RAET1L: variants seen among roughly 807,000 people sequenced by gnomAD.
RAET1L encodes the protein retinoic acid early transcript 1L.
Under a neutral mutation model 23.9 loss-of-function variants are expected in RAET1L, and 16 were observed. The ratio of observed to expected loss-of-function variants is 0.67; its 90% CI spans 0.45 to 1.02. RAET1L has a LOEUF of 1.02. RAET1L is among the 50% of genes least tolerant of loss of function. The pLI is 0.00. For missense variants in RAET1L, 233 were observed against 304.0 expected (o/e 0.77, Z 1.74); for synonymous variants, 70 against 111.2 (o/e 0.63, Z 2.33).
chr6:150,025,208 G>T (rs1775871162), intron 1 of RAET1L, among the ~76,000 whole-genome samples, 179 bp downstream of exon 1: 1 of 152,234 alleles, frequency 6.6e-6, no homozygotes, highest in Admixed American at 6.5e-5. Context: ...ACTGGGGCAA[G>T]AACAGCCTTG....
intron 4 of RAET1L, 116 bp downstream of exon 4, chr6:150,019,992 G>A: frequency 2.0e-6 from 1 of 488,178 alleles, no homozygotes. Context: ...CCTGTCTCAT[G>A]TTAGGATGAG....
At chr6:150,025,312 C>G (rs1002288320) in intron 1 of RAET1L, 75 bp downstream of exon 1, 10 of 1,295,022 alleles carry the variant, frequency 7.7e-6, no homozygotes, top group Non-Finnish European at 1.1e-5. Context: ...AGCCTTCCCT[C>G]CTCTGAAACC....
chr6:150,020,820 G>A (rs898537956), intron 3 of RAET1L, 85 bp downstream of exon 3: 108 of 1,576,022 alleles, frequency 6.9e-5, no homozygotes, highest in Non-Finnish European at 9.2e-5. Flanking sequence ...ACACTGGGAT[G>A]ATTGAAGCTG....
chr6:150,019,228 G>A (rs1281504756), intron 4 of RAET1L, among the ~76,000 whole-genome samples: 5 of 152,212 alleles, frequency 3.3e-5, no homozygotes, highest in Non-Finnish European at 7.3e-5. Context: ...CTTGGCCTTT[G>A]GTGGGCCTGC....
In RAET1L at chr6:150,025,454, G is replaced by T. The variant is rs770221620; in HGVS notation, c.18C>A (p.Ile6=). ...GCGGGAGGCACAGAAGCAAAGCTGG[G>T]ATGGCGGCTGCTGCCATTGGGGACC... The part of the protein sequence containing the change: MAAAA[I]PALLLCLPLL... Residue 6 remains isoleucine, a synonymous_variant, in exon 1 of 5, where the codon ATC becomes ATA. Coordinates refer to ENST00000367341, the MANE Select transcript of RAET1L (RefSeq NM_130900.3). 3.1e-6 allele frequency: 5 copies of T among 1,613,936 alleles called. No individual in the cohort carries two copies. In the African/African-American group the frequency reaches 6.7e-5, roughly 22 times the overall value.
chr6:150,021,876 G>A (rs1180313377), intron 2 of RAET1L, 104 bp downstream of exon 2: 10 of 1,344,200 alleles, frequency 7.4e-6, no homozygotes, highest in Non-Finnish European at 1.0e-5. Flanking sequence ...ACAGGCGTGA[G>A]CCACCGTGCC....
rs570257276 is a variant in RAET1L at position 150,019,752 on chromosome 6, C to A, written c.*22+356G>T. Among the ~76,000 whole-genome samples the A allele has an allele frequency of 2.9e-5, 4 of 135,698 alleles. No individual in the cohort carries two copies. In the South Asian group the frequency reaches 1.0e-3, roughly 34 times the overall value. The allele number at this position is 135,698 out of a possible 152,430, so 89.0% of individuals were successfully genotyped here. On this transcript the variant is annotated intron_variant, in intron 4 of 4. Transcript: ENST00000367341. ...GCACCTAACCCAATTAAGAGGACTGCCCATGTCTGAATTCCTGCTGCCTGC... is the reference window on the plus strand; with the variant it reads ...GCACCTAACCCAATTAAGAGGACTGACCATGTCTGAATTCCTGCTGCCTGC...
Position 150,020,926 on chromosome 6 carries a change from T to G in RAET1L, c.610A>C (p.Thr204Pro), listed in dbSNP as rs758335135. ...LEDFLMGMDSTLEPSAGAPLA... is the reference protein window; with the variant it reads ...LEDFLMGMDSPLEPSAGAPLA... ...TTACCTCCTGCACTTGGCTCCAGGG[T>G]GCTGTCCATGCCCATCAAGAAGTCC... The change falls in exon 3 of 5, where the codon ACC becomes CCC. Residue 204 changes from threonine to proline, a missense_variant. Physicochemically the swap from Thr to Pro is conservative, Grantham distance 38. Around this residue, in one of 4 missense-constraint regions of RAET1L, gnomAD observed 139 missense variants for 125.3 expected, o/e 1.11. Coordinates refer to ENST00000367341, the MANE Select transcript of RAET1L (RefSeq NM_130900.3). 23 of 1,614,048 alleles carry G rather than the reference T, an allele frequency of 1.4e-5. No homozygotes were observed. Among genetic ancestry groups the G allele is most frequent in the African/African-American group, 2.7e-5 (2 of 74,926 alleles).
intron 1 of RAET1L, 84 bp downstream of exon 1, chr6:150,025,303 G>A (rs1323022906): frequency 2.6e-6 from 3 of 1,171,084 alleles, no homozygotes; most frequent in Non-Finnish European, 3.7e-6. Context: ...CCTTCCAGAA[G>A]CCTTCCCTCC....
intron 1 of RAET1L, among the ~76,000 whole-genome samples, 168 bp downstream of exon 1, chr6:150,025,219 G>T (rs1775873444): frequency 6.6e-6 from 1 of 152,232 alleles, no homozygotes; most frequent in Non-Finnish European, 1.5e-5. Flanking sequence ...AACAGCCTTG[G>T]GGAGTGGACC....
At chr6:150,019,223 C>A (rs547826058) in intron 4 of RAET1L, among the ~76,000 whole-genome samples, 1 of 152,338 alleles carries the variant, frequency 6.6e-6, no homozygotes, top group East Asian at 1.9e-4. Flanking sequence ...GTGCCCTTGG[C>A]CTTTGGTGGG....
intron 1 of RAET1L, among the ~76,000 whole-genome samples, chr6:150,024,551 G>A (rs1447681305): frequency 4.0e-5 from 6 of 150,546 alleles, no homozygotes; most frequent in South Asian, 2.1e-4. Flanking sequence ...CACCCCCGTA[G>A]GAAGAACAGG....
chr6:150,025,086 G>T (rs1295598429), intron 1 of RAET1L, among the ~76,000 whole-genome samples: 1 of 152,126 alleles, frequency 6.6e-6, no homozygotes, highest in African/African-American at 2.4e-5. Flanking sequence ...TCCGAAAGGC[G>T]GGTGGGACTG....
chr6:150,024,583 A>G (rs568167376), intron 1 of RAET1L, among the ~76,000 whole-genome samples: 1 of 151,604 alleles, frequency 6.6e-6, no homozygotes, highest in Non-Finnish European at 1.5e-5. Context: ...CCAAGGGCAG[A>G]AGTGGGTGCC....
rs765598234 is a variant in RAET1L, at chr6:150,018,347, T to C, written c.*531A>G. 1 of 152,204 alleles carries C rather than the reference T, an allele frequency of 6.6e-6. No homozygotes were observed. The highest frequency in any genetic ancestry group is 1.5e-5 in the Non-Finnish European group (1 of 68,026). 9.4% of individuals were successfully genotyped at this position (152,204 alleles called of 1,614,324 possible). ...AAACTCAGTAGGTTTTTGGGAAATA[T>C]AACTCTTTATTTAAATATCAGTACA... On this transcript the variant is annotated 3_prime_UTR_variant, in exon 5 of 5. Transcript: ENST00000367341.
At chr6:150,019,186 C>A (rs1779857265) in intron 4 of RAET1L, among the ~76,000 whole-genome samples, 1 of 152,324 alleles carries the variant, frequency 6.6e-6, no homozygotes, top group Admixed American at 6.5e-5. Context: ...GTGGGACAGA[C>A]TTCCAAAGAG....
At chr6:150,025,257 T>C in intron 1 of RAET1L, 130 bp downstream of exon 1, 1 of 725,284 alleles carries the variant, frequency 1.4e-6, no homozygotes, top group African/African-American at 1.8e-5. Context: ...GGAGGGGAAC[T>C]GAGCTGGGGG....
chr6:150,022,101 G>C lies in RAET1L; in HGVS notation c.228C>G (p.Pro76=). The change falls in exon 2 of 5, where the codon CCC becomes CCG. Residue 76 remains proline (P), a synonymous_variant. Coordinates refer to ENST00000367341, the MANE Select transcript of RAET1L (RefSeq NM_130900.3). The part of the protein sequence containing the change: ...CGNKTVTPVS[P]LGKKLNVTMA... ...TTGTGACATTTAGTTTCTTCCCCAG[G>C]GGACTGACGGGTGTGACTGTCTTGT... 3 of 1,600,750 alleles carry C rather than the reference G, an allele frequency of 1.9e-6. No homozygotes were observed. Among genetic ancestry groups the C allele is most frequent in the Non-Finnish European group, 2.6e-6 (3 of 1,175,146 alleles).
intron 1 of RAET1L, among the ~76,000 whole-genome samples, chr6:150,024,900 C>T (rs1288877761): frequency 6.6e-6 from 1 of 151,958 alleles, no homozygotes; most frequent in Non-Finnish European, 1.5e-5. Context: ...AGGAAAAGTG[C>T]GGGGAAAACA....
Sources: allele counts gnomAD v4.1 joint callset (sites outside exome capture counted in the v4.1 genomes callset), GRCh38; gene constraint gnomAD v4.1.1; regional missense constraint gnomAD v4.1.1; transcripts MANE v1.5; gene names NCBI Gene and HGNC (gene_info 2026-07-23, HGNC 2026-07-21).